MRAP2: variants seen among roughly 807,000 people sequenced by gnomAD.
MRAP2 encodes melanocortin-2 receptor accessory protein 2.
A neutral mutation model predicts 17.4 loss-of-function variants in MRAP2; 20 were observed. The ratio of observed to expected loss-of-function variants is 1.15; its 90% CI spans 0.81 to 1.67. The LOEUF is 1.67. MRAP2 is among the 40% of genes most tolerant of loss of function. The probability of loss-of-function intolerance (pLI) is 0.00; values close to 1 mark genes in which losing one functional copy is unlikely to be tolerated. For missense variants in MRAP2, 238 were observed against 240.0 expected, an observed-to-expected ratio of 0.99 and a Z score of 0.05; for synonymous variants, 96 against 88.4, an observed-to-expected ratio of 1.09 and a Z score of -0.48.
chr6:84,090,892 C>T (rs757452390), downstream of MRAP2: 4 of 152,136 alleles, frequency 2.6e-5, no homozygotes, highest in Non-Finnish European at 4.4e-5. Flanking sequence ...CAGAAATTTC[C>T]TCTGGTTCTT....
intron 1 of MRAP2, among the ~76,000 whole-genome samples, chr6:84,052,135 A>C (rs1225035597): frequency 6.6e-6 from 1 of 152,126 alleles, no homozygotes; most frequent in South Asian, 2.1e-4. Context: ...GTTATTTTTC[A>C]TGACTCTAAT....
chr6:84,068,428 G>A (rs1390249072), intron 3 of MRAP2, among the ~76,000 whole-genome samples: 1 of 152,106 alleles, frequency 6.6e-6, no homozygotes, highest in Non-Finnish European at 1.5e-5. Context: ...GAAGAATGAT[G>A]GTGGTATTTT....
At chr6:84,120,270 C>G in the MRAP2 span, among the ~76,000 whole-genome samples, 2 of 152,158 alleles carry the variant, frequency 1.3e-5, no homozygotes, top group South Asian at 4.1e-4. Context: ...ATGGATCTTC[C>G]TTACTTGGTC....
At chr6:84,078,560 G>T (rs937505670) in intron 3 of MRAP2, among the ~76,000 whole-genome samples, 1 of 152,126 alleles carries the variant, frequency 6.6e-6, no homozygotes, top group Non-Finnish European at 1.5e-5. Flanking sequence ...ATTTGATCCC[G>T]TGTGGCAGTT....
chr6:84,142,783 C>T, the MRAP2 span, among the ~76,000 whole-genome samples: 46 of 152,142 alleles, frequency 3.0e-4, 1 homozygote, highest in South Asian at 7.9e-3. Flanking sequence ...ACGTGCAAGT[C>T]GAAGTACAGT....
chr6:84,041,670 A>T (rs1261327681), intron 1 of MRAP2, among the ~76,000 whole-genome samples: 1 of 152,270 alleles, frequency 6.6e-6, no homozygotes, highest in East Asian at 1.9e-4. Context: ...GAGCTTTAAG[A>T]TTTAATTACT....
At chr6:84,131,680 G>T in the MRAP2 span, among the ~76,000 whole-genome samples, 371 of 137,738 alleles carry the variant, frequency 2.7e-3, no homozygotes, top group Middle Eastern at 0.011. Flanking sequence ...TTTTTGTTTT[G>T]TTTTCCATTT....
At chr6:84,096,148 ACT>A in the MRAP2 span, among the ~76,000 whole-genome samples, 2 of 151,758 alleles carry the variant, frequency 1.3e-5, no homozygotes, top group African/African-American at 2.4e-5. Flanking sequence ...AAACAGAGAA[ACT>A]CTGTTTTTCT....
the MRAP2 span, among the ~76,000 whole-genome samples, chr6:84,107,708 T>G: frequency 6.6e-6 from 1 of 152,104 alleles, no homozygotes; most frequent in African/African-American, 2.4e-5. Context: ...TGTAGGACAG[T>G]GAAGGTGTAT....
intron 3 of MRAP2, among the ~76,000 whole-genome samples, chr6:84,088,862 C>T (rs990482407): frequency 6.6e-5 from 10 of 152,106 alleles, no homozygotes; most frequent in East Asian, 3.9e-4. Context: ...TGTCTGTTTT[C>T]GGGATGATCT....
intron 1 of MRAP2, chr6:84,045,253 G>A (rs1588623654): frequency 1.0e-6 from 1 of 985,322 alleles, no homozygotes; most frequent in East Asian, 1.1e-4. Flanking sequence ...TGGACATCGG[G>A]CAGCCAAGAT....
intron 2 of MRAP2, among the ~76,000 whole-genome samples, chr6:84,055,917 C>T (rs981003825): frequency 2.6e-5 from 4 of 152,144 alleles, no homozygotes; most frequent in East Asian, 1.9e-4. Context: ...GAATAGCCTG[C>T]GATCATTTCT....
intron 1 of MRAP2, among the ~76,000 whole-genome samples, chr6:84,038,937 G>C (rs1187754409): frequency 1.3e-5 from 2 of 152,220 alleles, no homozygotes; most frequent in Non-Finnish European, 2.9e-5. Flanking sequence ...ATTTGAGCAG[G>C]CCCCACAAGT....
Position 84,055,284 on chromosome 6 carries a change from C to G in MRAP2, c.-7-28C>G, listed in dbSNP as rs1980907. 33 of 1,595,340 alleles carry G rather than the reference C, an allele frequency of 2.1e-5. 1 individual carries two copies. The South Asian group carries it at 3.7e-4, about 18-fold the overall frequency. ...GCAGCTCTGGATGAATTAACAGGTT[C>G]TGCGCTTGACTTTCTCCATTTGTGC... On this transcript the variant is annotated intron_variant, in intron 1 of 3. Transcript: ENST00000257776.
chr6:84,085,465 A>C (rs550771663), intron 3 of MRAP2, among the ~76,000 whole-genome samples: 1 of 152,200 alleles, frequency 6.6e-6, no homozygotes, highest in Non-Finnish European at 1.5e-5. Context: ...TCTTGTCAGG[A>C]AAATGTCAGG....
chr6:84,048,150 A>G (rs2099489517), intron 1 of MRAP2, among the ~76,000 whole-genome samples: 1 of 152,126 alleles, frequency 6.6e-6, no homozygotes, highest in Non-Finnish European at 1.5e-5. Context: ...TAGAATTGCT[A>G]TATCATATGG....
chr6:84,063,313 A>T, intron 3 of MRAP2: 2 of 985,136 alleles, frequency 2.0e-6, no homozygotes, highest in Non-Finnish European at 2.4e-6. Context: ...TATTCCCAAA[A>T]GGATTTAGAT....
At chr6:84,104,703 C>G in the MRAP2 span, among the ~76,000 whole-genome samples, 3 of 152,038 alleles carry the variant, frequency 2.0e-5, no homozygotes, top group African/African-American at 7.2e-5. Flanking sequence ...CCTGTCTCTA[C>G]TAAAAATACA....
the MRAP2 span, among the ~76,000 whole-genome samples, chr6:84,105,223 C>T: frequency 6.6e-6 from 1 of 152,138 alleles, no homozygotes; most frequent in Admixed American, 6.5e-5. Flanking sequence ...CAGCAATGCC[C>T]CACTCTATAG....
Sources: allele counts gnomAD v4.1 joint callset (sites outside exome capture counted in the v4.1 genomes callset), GRCh38; gene constraint gnomAD v4.1.1; transcripts MANE v1.5; gene names NCBI Gene and HGNC (gene_info 2026-07-23, HGNC 2026-07-21).